GRID2: variants seen among roughly 807,000 people sequenced by gnomAD.
GRID2 encodes the protein glutamate ionotropic receptor delta type subunit 2, also known as glutamate receptor ionotropic, delta-2.
Under a neutral mutation model 114.8 loss-of-function variants are expected in GRID2, and 33 were observed. The observed-to-expected ratio is 0.29, with a 90% confidence interval of 0.22 to 0.38. The LOEUF (loss-of-function observed/expected upper bound fraction) is 0.38, where lower values mean the gene tolerates loss of function less well. Ranked by LOEUF, GRID2 falls within the 10% of genes least tolerant of loss-of-function variation. The pLI is 1.00. For missense variants in GRID2, 1,184 were observed against 1,257.7 expected (o/e 0.94, Z 0.89); for synonymous variants, 505 against 449.9 (o/e 1.12, Z -1.55).
chr4:92,637,065 T>A (rs1731099385), intron 2 of GRID2, among the ~76,000 whole-genome samples: 1 of 151,624 alleles, frequency 6.6e-6, no homozygotes, highest in Non-Finnish European at 1.5e-5. Flanking sequence ...AATTTAAATA[T>A]AATGTAATTT....
At chr4:92,326,192 C>G (rs2110135147) in intron 1 of GRID2, among the ~76,000 whole-genome samples, 2 of 151,908 alleles carry the variant, frequency 1.3e-5, no homozygotes, top group South Asian at 4.1e-4. Context: ...TTTTAATCAA[C>G]AAAACTAGTT....
At chr4:93,426,319 T>G (rs2149373628) in intron 10 of GRID2, among the ~76,000 whole-genome samples, 1 of 152,278 alleles carries the variant, frequency 6.6e-6, no homozygotes, top group East Asian at 1.9e-4. Context: ...AGTCACAAAT[T>G]CAGTGTTCCA....
intron 10 of GRID2, among the ~76,000 whole-genome samples, chr4:93,430,140 CAT>C (rs1260551555): frequency 6.6e-6 from 1 of 151,924 alleles, no homozygotes; most frequent in Non-Finnish European, 1.5e-5. Context: ...CAATAGAAAG[CAT>C]ATATTTACCG....
intron 1 of GRID2, among the ~76,000 whole-genome samples, chr4:92,540,465 A>C (rs1035554625): frequency 1.8e-4 from 27 of 152,178 alleles, no homozygotes; most frequent in African/African-American, 6.5e-4. Context: ...AAACAACCCC[A>C]TCAAAAAGTG....
At chr4:92,954,164 T>C (rs575532237) in intron 2 of GRID2, among the ~76,000 whole-genome samples, 1 of 152,166 alleles carries the variant, frequency 6.6e-6, no homozygotes, top group South Asian at 2.1e-4. Flanking sequence ...GATATATCAA[T>C]ATATAAATAT....
intron 10 of GRID2, among the ~76,000 whole-genome samples, chr4:93,427,343 A>T (rs1768953555): frequency 6.6e-6 from 1 of 152,018 alleles, no homozygotes; most frequent in South Asian, 2.1e-4. Context: ...TATTATTGTT[A>T]TTATATCTTC....
In GRID2 at chr4:93,333,822, A is replaced by G. The variant is rs186951323; in HGVS notation, c.1246-61785A>G. Among the ~76,000 whole-genome samples the G allele has an allele frequency of 4.5e-4, 69 of 152,250 alleles. No individual in the cohort carries two copies. In the East Asian group the frequency reaches 0.012, roughly 27 times the overall value. On this transcript the variant is annotated intron_variant, in intron 8 of 15. Transcript: ENST00000282020. ...AATCTGAAAGTTTACTTATGAGTCA[A>G]TAAAGTTTCTTCTTTTTATCTTGTA...
At chr4:93,587,511 T>C (rs1044894484) in intron 13 of GRID2, among the ~76,000 whole-genome samples, 1 of 152,132 alleles carries the variant, frequency 6.6e-6, no homozygotes, top group African/African-American at 2.4e-5. Context: ...GGGGAGTTAT[T>C]AAATTTTAGT....
chr4:93,225,456 C>T (rs891171245), intron 7 of GRID2, among the ~76,000 whole-genome samples: 2 of 152,074 alleles, frequency 1.3e-5, no homozygotes, highest in African/African-American at 4.8e-5. Context: ...TCTTGTACCG[C>T]CTCTTGGATT....
intron 1 of GRID2, among the ~76,000 whole-genome samples, chr4:92,478,515 C>T (rs1271341887): frequency 1.3e-5 from 2 of 152,042 alleles, no homozygotes; most frequent in African/African-American, 4.8e-5. Context: ...TCTTCCCTAG[C>T]ACTGTGAAGC....
At chr4:92,621,459 G>C (rs959761078) in intron 2 of GRID2, among the ~76,000 whole-genome samples, 14 of 151,762 alleles carry the variant, frequency 9.2e-5, no homozygotes, top group Non-Finnish European at 1.5e-4. Flanking sequence ...GATTATTTTG[G>C]TGTGGTTATT....
chr4:92,962,948 A>T (rs995391308), intron 2 of GRID2, among the ~76,000 whole-genome samples: 3 of 152,004 alleles, frequency 2.0e-5, no homozygotes, highest in Non-Finnish European at 4.4e-5. Context: ...CCACAAAGTG[A>T]ATACTGCAAT....
rs973412940 is a variant in GRID2, at chr4:93,768,262, C to T, written c.2361-948C>T. The stretch of plus-strand genomic sequence containing the variant: ...TGTTTGGCCAGGAAATTCCAGGGAA[C>T]CCAGAGGACGATGCACACTCTGTAC... On this transcript the variant is annotated intron_variant, in intron 14 of 15. Transcript: ENST00000282020. Among the ~76,000 whole-genome samples the T allele has an allele frequency of 5.3e-5, 8 of 152,186 alleles. No individual in the cohort carries two copies. The East Asian group carries it at 7.7e-4, about 15-fold the overall frequency.
chr4:93,799,909 C>T (rs953693533), intron 1 of GRID2, among the ~76,000 whole-genome samples: 1 of 152,138 alleles, frequency 6.6e-6, no homozygotes, highest in Non-Finnish European at 1.5e-5. Flanking sequence ...CAGTGAGACA[C>T]TAAGGAAATC....
At chr4:92,830,880 A>G (rs1204188015) in intron 2 of GRID2, among the ~76,000 whole-genome samples, 3 of 152,198 alleles carry the variant, frequency 2.0e-5, no homozygotes, top group South Asian at 2.1e-4. Flanking sequence ...GTAGTTACAG[A>G]ACATATCATA....
intron 2 of GRID2, among the ~76,000 whole-genome samples, chr4:92,710,416 A>G (rs1450651301): frequency 6.6e-6 from 1 of 152,212 alleles, no homozygotes; most frequent in Non-Finnish European, 1.5e-5. Context: ...AGCTTGAGTT[A>G]TAAGCAGTGG....
intron 1 of GRID2, among the ~76,000 whole-genome samples, chr4:93,797,569 C>T (rs1344329160): frequency 2.6e-5 from 4 of 152,070 alleles, no homozygotes; most frequent in Non-Finnish European, 4.4e-5. Flanking sequence ...ACTCAAAAAG[C>T]ATTTGTGGTA....
At chr4:92,851,268 A>AT (rs1578308082) in intron 2 of GRID2, among the ~76,000 whole-genome samples, 2 of 152,054 alleles carry the variant, frequency 1.3e-5, no homozygotes, top group African/African-American at 4.8e-5. Flanking sequence ...AGAAAGTATG[A>AT]TTTTTTTACT....
intron 2 of GRID2, among the ~76,000 whole-genome samples, chr4:93,074,565 G>A (rs890732953): frequency 1.3e-5 from 2 of 152,124 alleles, no homozygotes; most frequent in Non-Finnish European, 2.9e-5. Context: ...GTCTAAAATT[G>A]ACAATCACAG....
Sources: allele counts gnomAD v4.1 joint callset (sites outside exome capture counted in the v4.1 genomes callset), GRCh38; gene constraint gnomAD v4.1.1; transcripts MANE v1.5; gene names NCBI Gene and HGNC (gene_info 2026-07-23, HGNC 2026-07-21).